AK5: variants seen among roughly 807,000 people sequenced by gnomAD.
The protein encoded by AK5 is adenylate kinase 5.
A neutral mutation model predicts 69.5 loss-of-function variants in AK5; 27 were observed. The observed-to-expected ratio is 0.39, with a 90% CI of 0.29 to 0.54. AK5 has a LOEUF of 0.54. Among genes scored for constraint, AK5 ranks in the 20% least tolerant of loss-of-function variants. The probability of loss-of-function intolerance (pLI) is 0.71; values close to 1 mark genes in which losing one functional copy is unlikely to be tolerated. For synonymous variants in AK5, 260 were observed against 244.4 expected, an observed-to-expected ratio of 1.06 and a Z score of -0.60; for missense variants, 531 against 700.4, an observed-to-expected ratio of 0.76 and a Z score of 2.73.
At chr1:77,548,979 G>A (rs1233300470) in intron 13 of AK5, among the ~76,000 whole-genome samples, 5 of 142,252 alleles carry the variant, frequency 3.5e-5, no homozygotes, top group African/African-American at 1.3e-4. Flanking sequence ...GGGGTCAAGC[G>A]ATTCTCCTGC....
Position 77,558,828 on chromosome 1 carries a change from TGA to T in AK5, c.*162_*163del, listed in dbSNP as rs1660274608. 1 of 615,334 alleles carries T rather than the reference TGA, an allele frequency of 1.6e-6. No homozygotes were observed. The allele number at this position is 615,334 out of a possible 1,614,324, so 38.1% of individuals were successfully genotyped here. On this transcript the variant is annotated 3_prime_UTR_variant, in exon 14 of 14. Transcript: ENST00000354567. ...TGTTTGCTTCCCAGCTAGACCTGTG[TGA>T]GAGGTGTCTGGAAATCATGCATGGT...
At chr1:77,546,133 G>A (rs1040964180) in intron 13 of AK5, among the ~76,000 whole-genome samples, 3 of 152,134 alleles carry the variant, frequency 2.0e-5, no homozygotes. Context: ...TGCTGCGTGT[G>A]TGTCTCCTCC....
intron 5 of AK5, among the ~76,000 whole-genome samples, chr1:77,313,449 C>T (rs1372887699): frequency 6.6e-6 from 1 of 152,116 alleles, no homozygotes; most frequent in Non-Finnish European, 1.5e-5. Context: ...GTTACCAATT[C>T]AAAAGCAGAC....
intron 8 of AK5, among the ~76,000 whole-genome samples, chr1:77,423,091 G>A (rs1263588875): frequency 6.6e-6 from 1 of 151,758 alleles, no homozygotes; most frequent in African/African-American, 2.4e-5. Flanking sequence ...CGTGGTGGTG[G>A]GCACCTGTAG....
intron 10 of AK5, among the ~76,000 whole-genome samples, chr1:77,488,754 A>C (rs1164275543): frequency 6.6e-6 from 1 of 152,120 alleles, no homozygotes; most frequent in Non-Finnish European, 1.5e-5. Flanking sequence ...TGCCTGCTTT[A>C]TATTTGCTGG....
chr1:77,552,311 C>T (rs537296223), intron 13 of AK5, among the ~76,000 whole-genome samples: 1 of 152,304 alleles, frequency 6.6e-6, no homozygotes, highest in East Asian at 1.9e-4. Context: ...CCCTCTCCCC[C>T]ACTGCAAAAT....
intron 6 of AK5, among the ~76,000 whole-genome samples, chr1:77,360,406 C>T (rs1187684423): frequency 1.3e-5 from 2 of 152,144 alleles, no homozygotes; most frequent in African/African-American, 4.8e-5. Context: ...ATTTCAACAG[C>T]TGGCAGGAAG....
intron 6 of AK5, among the ~76,000 whole-genome samples, chr1:77,399,457 CA>C (rs1649051171): frequency 6.6e-6 from 1 of 152,072 alleles, no homozygotes; most frequent in African/African-American, 2.4e-5. Flanking sequence ...ATTAGACAGC[CA>C]GATCAAGGGG....
chr1:77,367,811 GTTATATATA>G (rs1243249125), intron 6 of AK5, among the ~76,000 whole-genome samples: 1 of 17,984 alleles, frequency 5.6e-5, no homozygotes, highest in African/African-American at 1.6e-4. Context: ...TATAATATAT[GTTATATATA>G]TTATATATAA....
chr1:77,556,757 G>A (rs754768161), intron 13 of AK5, among the ~76,000 whole-genome samples: 11 of 152,168 alleles, frequency 7.2e-5, no homozygotes, highest in Non-Finnish European at 1.3e-4. Flanking sequence ...GTCTCAAAGT[G>A]TGCTTGTAAA....
At chr1:77,371,176 A>G (rs1203473267) in intron 6 of AK5, among the ~76,000 whole-genome samples, 1 of 152,146 alleles carries the variant, frequency 6.6e-6, no homozygotes, top group African/African-American at 2.4e-5. Flanking sequence ...GCTCTGATTC[A>G]TGGTAATGTG....
At chr1:77,412,626 C>G (rs188094176) in intron 7 of AK5, among the ~76,000 whole-genome samples, 2 of 152,154 alleles carry the variant, frequency 1.3e-5, no homozygotes, top group Non-Finnish European at 2.9e-5. Flanking sequence ...GGTGAAATCT[C>G]CTGGCTTATA....
At chr1:77,322,477 CAG>C (rs2100328604) in intron 5 of AK5, among the ~76,000 whole-genome samples, 1 of 152,214 alleles carries the variant, frequency 6.6e-6, no homozygotes, top group East Asian at 1.9e-4. Flanking sequence ...CCTAGGCAAA[CAG>C]AAGCATTTTC....
At chr1:77,361,512 A>G (rs780468019) in intron 6 of AK5, among the ~76,000 whole-genome samples, 127 of 152,346 alleles carry the variant, frequency 8.3e-4, no homozygotes, top group Non-Finnish European at 6.9e-4. Flanking sequence ...AATAATATGT[A>G]TAAAGCAACT....
At chr1:77,525,069 G>T (rs1223908016) in intron 12 of AK5, among the ~76,000 whole-genome samples, 1 of 152,112 alleles carries the variant, frequency 6.6e-6, no homozygotes, top group Non-Finnish European at 1.5e-5. Context: ...ACCACGCCTG[G>T]CTAATTTTTT....
chr1:77,367,467 C>A (rs528301831), intron 6 of AK5, among the ~76,000 whole-genome samples: 15 of 145,256 alleles, frequency 1.0e-4, no homozygotes, highest in Non-Finnish European at 1.9e-4. Context: ...GGCGCATGCA[C>A]CACCACACCT....
intron 6 of AK5, among the ~76,000 whole-genome samples, chr1:77,354,254 C>T (rs1260480194): frequency 6.6e-6 from 1 of 152,154 alleles, no homozygotes; most frequent in African/African-American, 2.4e-5. Context: ...TTTAATTTAG[C>T]TTAGTATAAA....
chr1:77,543,639 A>T (rs963013002), intron 13 of AK5, among the ~76,000 whole-genome samples: 1 of 151,770 alleles, frequency 6.6e-6, no homozygotes, highest in Non-Finnish European at 1.5e-5. Flanking sequence ...CCCAAGTAAT[A>T]CTCCCACTTC....
At chr1:77,386,578 GA>G (rs1366072474) in intron 6 of AK5, among the ~76,000 whole-genome samples, 1 of 152,176 alleles carries the variant, frequency 6.6e-6, no homozygotes, top group Non-Finnish European at 1.5e-5. Context: ...AGGGCAGCCT[GA>G]AGATACCATG....
Sources: allele counts gnomAD v4.1 joint callset (sites outside exome capture counted in the v4.1 genomes callset), GRCh38; gene constraint gnomAD v4.1.1; transcripts MANE v1.5; gene names NCBI Gene and HGNC (gene_info 2026-07-23, HGNC 2026-07-21).